ATP8B1: variants seen among roughly 807,000 people sequenced by gnomAD.
The protein encoded by ATP8B1 is phospholipid-transporting ATPase IC.
Under a neutral mutation model 149.9 loss-of-function variants are expected in ATP8B1, and 80 were observed. That is an observed-to-expected ratio of 0.53 (90% confidence interval 0.45 to 0.64). ATP8B1 has a LOEUF of 0.64. Ranked by LOEUF, ATP8B1 falls within the 30% of genes least tolerant of loss-of-function variation. ATP8B1 has a pLI of 0.00. For synonymous variants in ATP8B1, 536 were observed against 562.8 expected, an observed-to-expected ratio of 0.95 and a Z score of 0.67; for missense variants, 1,247 against 1,552.6, an observed-to-expected ratio of 0.80 and a Z score of 3.31.
chr18:57,792,878 T>C (rs2080477649), intron 1 of ATP8B1, among the ~76,000 whole-genome samples: 1 of 152,126 alleles, frequency 6.6e-6, no homozygotes, highest in Non-Finnish European at 1.5e-5. Flanking sequence ...GACTAGGGGC[T>C]TGTGAGTGGC....
At chr18:57,751,816 T>C (rs1399804553) in intron 1 of ATP8B1, among the ~76,000 whole-genome samples, 1 of 152,122 alleles carries the variant, frequency 6.6e-6, no homozygotes, top group African/African-American at 2.4e-5. Flanking sequence ...CCCGATGTAA[T>C]GTCTTTATCA....
At chr18:57,716,567 C>G (rs551251144) in intron 2 of ATP8B1, among the ~76,000 whole-genome samples, 1 of 151,940 alleles carries the variant, frequency 6.6e-6, no homozygotes, top group South Asian at 2.1e-4. Context: ...GATTTCAAGA[C>G]AAAACTATAA....
At chr18:57,779,135 C>A (rs888098352) in intron 1 of ATP8B1, among the ~76,000 whole-genome samples, 3 of 151,966 alleles carry the variant, frequency 2.0e-5, no homozygotes, top group African/African-American at 7.3e-5. Context: ...CCAGCCCAGG[C>A]AACATAGCAA....
intron 1 of ATP8B1, chr18:57,734,074 C>T (rs759653454): frequency 2.6e-5 from 4 of 152,158 alleles, no homozygotes; most frequent in Non-Finnish European, 5.9e-5. Context: ...GATGACATTG[C>T]ATTAATGACC....
Position 57,697,701 on chromosome 18 carries a change from A to G in ATP8B1, c.628-13T>C, listed in dbSNP as rs1307485782. The G allele has an allele frequency of 1.2e-6, 2 of 1,614,118 alleles. No individual in the cohort carries two copies. Among genetic ancestry groups the G allele is most frequent in the East Asian group, 4.5e-5 (2 of 44,880 alleles). ...GGAGAATGTCAGCCTGTCCAAAACA[A>G]AACACACAAATAACACCGAGACCCT... On this transcript the variant is annotated splice_polypyrimidine_tract_variant and intron_variant, in intron 7 of 27. Transcript: ENST00000648908.
intron 2 of ATP8B1, chr18:57,731,288 A>C: frequency 7.6e-6 from 1 of 131,982 alleles, no homozygotes; most frequent in East Asian, 2.2e-4. Context: ...CTGGGGAGAC[A>C]CAGTGAGACC....
At chr18:57,679,700 T>C (rs1262937814) in intron 15 of ATP8B1, among the ~76,000 whole-genome samples, 1 of 152,172 alleles carries the variant, frequency 6.6e-6, no homozygotes, top group African/African-American at 2.4e-5. Context: ...AGTCTCACTT[T>C]GTCGCCCAGG....
chr18:57,675,035 C>A lies in ATP8B1; in HGVS notation c.1631-13G>T. The A allele has an allele frequency of 6.2e-7, 1 of 1,613,224 alleles. No individual in the cohort carries two copies. The highest frequency in any genetic ancestry group is 8.5e-7 in the Non-Finnish European group (1 of 1,179,756). ...TAGTTGAGCTGACCTAACAAGGAAG[C>A]GAGAGAAATCCCAGAAAAGCTGTAA... is the stretch of plus-strand genomic sequence containing the variant. On this transcript the variant is annotated splice_polypyrimidine_tract_variant and intron_variant, in intron 15 of 27. Transcript: ENST00000648908.
chr18:57,673,598 G>C (rs1161209407), intron 16 of ATP8B1, among the ~76,000 whole-genome samples: 1 of 151,454 alleles, frequency 6.6e-6, no homozygotes, highest in Admixed American at 6.6e-5. Context: ...ACAATAACCT[G>C]TATGTATGTG....
At chr18:57,783,454 T>G (rs916073162) in intron 1 of ATP8B1, among the ~76,000 whole-genome samples, 4 of 152,262 alleles carry the variant, frequency 2.6e-5, no homozygotes, top group South Asian at 4.1e-4. Flanking sequence ...CTGTGGGGAA[T>G]AAGAACTTTA....
At chr18:57,684,001 G>T in intron 15 of ATP8B1, 35 bp downstream of exon 15, 1 of 1,613,902 alleles carries the variant, frequency 6.2e-7, no homozygotes. Context: ...AAAAAACCTG[G>T]TCTCTAATGC....
chr18:57,731,492 G>T, intron 2 of ATP8B1, 135 bp downstream of exon 2: 1 of 1,029,742 alleles, frequency 9.7e-7, no homozygotes, highest in Non-Finnish European at 1.5e-6. Context: ...CATTCTGTCA[G>T]TCGCATCCTA....
At chr18:57,738,802 A>C (rs1467488630) in intron 1 of ATP8B1, among the ~76,000 whole-genome samples, 2 of 151,908 alleles carry the variant, frequency 1.3e-5, no homozygotes, top group Non-Finnish European at 2.9e-5. Context: ...TAACTTCCAC[A>C]TGACCACCAA....
At chr18:57,721,482 G>C (rs1463782157) in intron 2 of ATP8B1, among the ~76,000 whole-genome samples, 1 of 150,818 alleles carries the variant, frequency 6.6e-6, no homozygotes, top group African/African-American at 2.4e-5. Flanking sequence ...AACCAACAAA[G>C]ATCAAAAGAG....
rs1231115287 is a variant in ATP8B1 at position 57,655,211 on chromosome 18, TGAA to T, written c.2911_2913del (p.Phe971del). 3 of 1,611,388 alleles carry T rather than the reference TGAA, an allele frequency of 1.9e-6. No individual in the cohort carries two copies. The highest frequency in any genetic ancestry group is 2.5e-6 in the Non-Finnish European group (3 of 1,177,428). On this transcript the variant is annotated inframe_deletion, in exon 23 of 28. Transcript: ENST00000648908. ...TACATTACCTGCGCAGAGTAGCCAT[TGAA>T]GAAGGAGTACCAGAAATGAACCAAA... is the stretch of plus-strand genomic sequence containing the variant.
intron 1 of ATP8B1, among the ~76,000 whole-genome samples, chr18:57,749,028 G>A (rs1337766389): frequency 1.3e-5 from 2 of 148,372 alleles, no homozygotes; most frequent in African/African-American, 2.6e-5. Context: ...AAAATGTTTT[G>A]GAGTTTTAAA....
intron 15 of ATP8B1, among the ~76,000 whole-genome samples, chr18:57,678,492 C>A (rs1911733441): frequency 6.6e-6 from 1 of 151,080 alleles, no homozygotes; most frequent in African/African-American, 2.4e-5. Context: ...GAGGCTGAGG[C>A]AGGAGAATCG....
Position 57,652,709 on chromosome 18 carries a change from G to A in ATP8B1, c.3036C>T (p.Ser1012=). The A allele has an allele frequency of 6.2e-7, 1 of 1,614,132 alleles. No homozygotes were observed. Among genetic ancestry groups the A allele is most frequent in the Non-Finnish European group, 8.5e-7 (1 of 1,179,994 alleles). Residue 1012 remains serine (S), a synonymous_variant, in exon 25 of 28, where the codon AGC becomes AGT. Transcript: ENST00000648908. ...LLDQDVSDKL[S]LRFPGLYIVG... ...CTATGTATAACCCAGGGAATCGGAG[G>A]CTCAGTTTGTCACTCACATCCTTAA...
chr18:57,715,459 G>A (rs899144133), intron 2 of ATP8B1, among the ~76,000 whole-genome samples: 2 of 152,042 alleles, frequency 1.3e-5, no homozygotes, highest in Non-Finnish European at 2.9e-5. Context: ...TTTATTCAAA[G>A]GATAATAACA....
Sources: gnomAD v4.1 joint callset for allele counts (sites outside exome capture counted in the v4.1 genomes callset) on GRCh38, gnomAD v4.1.1 for gene constraint, MANE v1.5 for transcripts, NCBI Gene and HGNC (gene_info 2026-07-23, HGNC 2026-07-21) for gene names.